DCX: variants seen among roughly 807,000 people sequenced by gnomAD.
DCX encodes neuronal migration protein doublecortin.
In DCX, 4 loss-of-function variants were observed where a neutral mutation model predicts 20.9. That is an observed-to-expected ratio of 0.19 (90% confidence interval 0.09 to 0.44). The LOEUF is 0.44. Among genes scored for constraint, DCX ranks in the 20% least tolerant of loss-of-function variants. The pLI is 0.99. For synonymous variants in DCX, 103 were observed against 111.4 expected, an observed-to-expected ratio of 0.92 and a Z score of 0.47; for missense variants, 133 against 296.9, an observed-to-expected ratio of 0.45 and a Z score of 4.06.
intron 3 of DCX, among the ~76,000 whole-genome samples, chrX:111,336,986 A>G (rs1336023897): frequency 9.0e-6 from 1 of 111,649 alleles, no homozygotes; most frequent in African/African-American, 3.3e-5. Flanking sequence ...GGAGAAGAAG[A>G]ATGGAATATA....
chrX:111,328,997 G>T (rs1299106673), intron 5 of DCX, among the ~76,000 whole-genome samples: 1 of 111,860 alleles, frequency 8.9e-6, no homozygotes, highest in African/African-American at 3.2e-5. Flanking sequence ...TTGTTTCACA[G>T]CAGGATACAA....
chrX:111,339,099 C>A (rs1921994016), intron 3 of DCX, among the ~76,000 whole-genome samples: 1 of 112,398 alleles, frequency 8.9e-6, no homozygotes, highest in Admixed American at 9.4e-5. Context: ...ATCTCTTTTG[C>A]TAGATTCTTT....
intron 5 of DCX, among the ~76,000 whole-genome samples, chrX:111,320,461 C>A (rs182373592): frequency 9.0e-6 from 1 of 111,420 alleles, no homozygotes; most frequent in African/African-American, 3.3e-5. Context: ...TGTTTGATAT[C>A]CTTCATTTTC....
chrX:111,349,216 G>C (rs1603417997), intron 3 of DCX, among the ~76,000 whole-genome samples: 1 of 111,795 alleles, frequency 8.9e-6, no homozygotes, highest in East Asian at 2.8e-4. Flanking sequence ...TTCTAGCTCA[G>C]ACAGTCTATG....
chrX:111,321,867 T>C (rs2095087293), intron 5 of DCX, among the ~76,000 whole-genome samples: 1 of 111,929 alleles, frequency 8.9e-6, no homozygotes, highest in African/African-American at 3.3e-5. Context: ...ACCAGAATGG[T>C]ACAGAAAATA....
chrX:111,356,524 T>C (rs937528070), intron 3 of DCX, among the ~76,000 whole-genome samples: 3 of 112,500 alleles, frequency 2.7e-5, no homozygotes, highest in African/African-American at 9.7e-5. Flanking sequence ...GGGACCTATC[T>C]ATTTTGTTCT....
intron 3 of DCX, among the ~76,000 whole-genome samples, chrX:111,351,515 C>G (rs1923308422): frequency 8.9e-6 from 1 of 112,137 alleles, no homozygotes; most frequent in African/African-American, 3.2e-5. Flanking sequence ...AAATTGAAAC[C>G]ATGAGCAGAT....
chrX:111,320,461 C>T lies in DCX; in HGVS notation c.947-7725G>A, dbSNP rs182373592. Among the ~76,000 whole-genome samples the T allele has an allele frequency of 3.6e-3, 396 of 111,468 alleles. 3 individuals are homozygous for T. Among genetic ancestry groups the T allele is most frequent in the African/African-American group, 0.012 (377 of 30,674 alleles). On this transcript the variant is annotated intron_variant, in intron 5 of 6. Coordinates refer to ENST00000636035, the MANE Select transcript of DCX (RefSeq NM_001195553.2). ...TGGAAATGGCACCACTGTTTGATAT[C>T]CTTCATTTTCCTTTATTCTTCTTTG...
chrX:111,334,597 CTG>C (rs1921551610), intron 3 of DCX, among the ~76,000 whole-genome samples: 1 of 112,379 alleles, frequency 8.9e-6, no homozygotes, highest in Admixed American at 9.4e-5. Context: ...CTTGAGAAAA[CTG>C]TGACCCAGAG....
In DCX at chrX:111,296,320, T is replaced by G. The variant is rs2095020640; in HGVS notation, c.*5367A>C. 8.9e-6 allele frequency: 1 copy of G among 112,062 alleles called. No individual in the cohort carries two copies. Among genetic ancestry groups the G allele is most frequent in the South Asian group, 3.8e-4 (1 of 2,653 alleles). 9.2% of individuals were successfully genotyped at this position (112,062 alleles called of 1,213,427 possible). ...GCCATCTGACCTCTCCCAACTAACC[T>G]GCCCTTCTGATCAGGAGCAGAAAGA... On this transcript the variant is annotated 3_prime_UTR_variant, in exon 7 of 7. Coordinates refer to ENST00000636035, the MANE Select transcript of DCX (RefSeq NM_001195553.2).
chrX:111,409,986 C>A (rs975580935), intron 2 of DCX, 49 bp downstream of exon 2: 15 of 1,207,652 alleles, frequency 1.2e-5, no homozygotes, highest in Non-Finnish European at 1.7e-5. Flanking sequence ...GTAACCATAA[C>A]CAATGATGCC....
chrX:111,294,030 G>T lies in DCX; in HGVS notation c.*7657C>A, dbSNP rs1314065430. Reference sequence around the variant, plus strand: ...AAAGCCCTCATTGAATTGCGGAGGGGGTGGGGGAAGAGGGGTGTTACAGGC... The same window carrying T: ...AAAGCCCTCATTGAATTGCGGAGGGTGTGGGGGAAGAGGGGTGTTACAGGC... On this transcript the variant is annotated 3_prime_UTR_variant, in exon 7 of 7. Transcript: ENST00000636035. 3 of 111,825 alleles carry T rather than the reference G, an allele frequency of 2.7e-5. No homozygotes were observed. Among genetic ancestry groups the T allele is most frequent in the Non-Finnish European group, 5.6e-5 (3 of 53,224 alleles). The allele number at this position is 111,825 out of a possible 1,213,427, so 9.2% of individuals were successfully genotyped here.
At chrX:111,393,072 G>A (rs541568906) in intron 3 of DCX, among the ~76,000 whole-genome samples, 2 of 111,492 alleles carry the variant, frequency 1.8e-5, no homozygotes, top group Non-Finnish European at 3.8e-5. Flanking sequence ...GTATTGTAGA[G>A]TATTGTAGAG....
chrX:111,379,980 T>G, intron 3 of DCX, among the ~76,000 whole-genome samples: 1 of 111,999 alleles, frequency 8.9e-6, no homozygotes, highest in Middle Eastern at 4.6e-3. Flanking sequence ...ATGTACGTGC[T>G]CCTTGGAGAA....
intron 3 of DCX, among the ~76,000 whole-genome samples, chrX:111,363,551 C>A (rs1007657881): frequency 3.2e-4 from 34 of 107,928 alleles, no homozygotes; most frequent in Middle Eastern, 4.6e-3. Flanking sequence ...GTTTTTGGAA[C>A]CCCTTCTTCT....
At chrX:111,378,315 G>A (rs1274780010) in intron 3 of DCX, among the ~76,000 whole-genome samples, 5 of 111,310 alleles carry the variant, frequency 4.5e-5, no homozygotes, top group South Asian at 3.8e-4. Context: ...AAACATTAGC[G>A]TGTACGTGAA....
chrX:111,401,067 C>T lies in DCX; in HGVS notation c.628G>A (p.Val210Ile), dbSNP rs587783573. 1 of 1,211,652 alleles carries T rather than the reference C, an allele frequency of 8.3e-7. No individual in the cohort carries two copies. The highest frequency in any genetic ancestry group is 1.1e-6 in the Non-Finnish European group (1 of 895,483). The change falls in exon 3 of 7, where the codon GTC (valine) becomes ATC (isoleucine). Residue 210 changes from valine to isoleucine, a missense_variant. By Grantham distance (29) the Val-to-Ile change is conservative. Around this residue, in one of 2 missense-constraint regions of DCX, gnomAD observed 65 missense variants for 212.6 expected, o/e 0.31. Transcript: ENST00000636035. ...NKKTAHSFEQ[V>I]LTDITEAIKL... ...ATGGCTTCTGTGATATCAGTGAGGA[C>T]TTGCTCAAAAGAGTGGGCTGTCTTC...
rs1200161522 is a variant in DCX, at chrX:111,297,373, G to T, written c.*4314C>A. ...CCTGTTCTCTTGTCCTAGGGATATG[G>T]ATTTTTAAAAAATAAAAGCCATTTA... On this transcript the variant is annotated 3_prime_UTR_variant, in exon 7 of 7. Transcript: ENST00000636035. The T allele has an allele frequency of 9.0e-6, 1 of 111,401 alleles. No individual in the cohort carries two copies. Among genetic ancestry groups the T allele is most frequent in the African/African-American group, 3.3e-5 (1 of 30,583 alleles). 9.2% of individuals were successfully genotyped at this position (111,401 alleles called of 1,213,427 possible).
At position 111,361,670 on chromosome X, in the gene DCX, T is replaced by C. The variant is rs551876730; in HGVS notation, c.706-28517A>G. Among the ~76,000 whole-genome samples, 6 of 112,610 alleles carry C rather than the reference T, an allele frequency of 5.3e-5. No individual in the cohort carries two copies. The South Asian group carries it at 1.5e-3, about 28-fold the overall frequency. On this transcript the variant is annotated intron_variant, in intron 3 of 6. Coordinates refer to ENST00000636035, the MANE Select transcript of DCX (RefSeq NM_001195553.2). ...TTATTTTCCATCAAAGGCTCATTTG[T>C]AGCTTCTTGTTTCCTCTATAACTGG...
Sources: allele counts gnomAD v4.1 joint callset (sites outside exome capture counted in the v4.1 genomes callset), GRCh38; gene constraint gnomAD v4.1.1; regional missense constraint gnomAD v4.1.1; transcripts MANE v1.5; gene names NCBI Gene and HGNC (gene_info 2026-07-23, HGNC 2026-07-21).